The following KIF9 variants were observed in gnomAD, a reference collection of about 807,000 sequenced individuals.
KIF9 encodes the protein kinesin-like protein KIF9.
A neutral mutation model predicts 94.8 loss-of-function variants in KIF9; 68 were observed. The observed-to-expected ratio is 0.72, with a 90% CI of 0.59 to 0.88. The LOEUF (loss-of-function observed/expected upper bound fraction) is 0.88, where lower values mean the gene tolerates loss of function less well. KIF9 is among the 40% of genes least tolerant of loss of function. The probability of loss-of-function intolerance (pLI) is 0.00; values close to 1 mark genes in which losing one functional copy is unlikely to be tolerated. For missense variants in KIF9, 882 were observed against 982.5 expected (o/e 0.90, Z 1.37); for synonymous variants, 343 against 362.1 (o/e 0.95, Z 0.60).
At chr3:47,281,039 G>T in intron 1 of KIF9, 2 of 703,058 alleles carry the variant, frequency 2.8e-6, no homozygotes, top group South Asian at 3.0e-5. Flanking sequence ...TTGAAGGCAA[G>T]GATTGTGCTT....
chr3:47,277,248 C>T, intron 2 of KIF9, 34 bp downstream of exon 2: 1 of 1,496,342 alleles, frequency 6.7e-7, no homozygotes, highest in Non-Finnish European at 9.3e-7. Flanking sequence ...GACAGAGAGG[C>T]CCAGTCAGTT....
At chr3:47,229,782 G>T (rs60444519) in intron 20 of KIF9, among the ~76,000 whole-genome samples, 2 of 151,444 alleles carry the variant, frequency 1.3e-5, no homozygotes, top group Admixed American at 6.6e-5. Context: ...CACCCAGGCC[G>T]GAGTACAGTG....
chr3:47,260,649 C>T (rs554848387), intron 9 of KIF9, among the ~76,000 whole-genome samples: 5 of 152,142 alleles, frequency 3.3e-5, no homozygotes. Flanking sequence ...GTTTTATAGA[C>T]GAGGACACTG....
chr3:47,230,424 A>T (rs999069550), intron 20 of KIF9, among the ~76,000 whole-genome samples: 3 of 152,260 alleles, frequency 2.0e-5, no homozygotes, highest in Admixed American at 6.5e-5. Context: ...TTTTTAAAAA[A>T]TTGTTTTTAA....
At chr3:47,280,169 G>T (rs138209048) in intron 1 of KIF9, among the ~76,000 whole-genome samples, 1 of 152,040 alleles carries the variant, frequency 6.6e-6, no homozygotes, top group Non-Finnish European at 1.5e-5. Flanking sequence ...TGTTGCCCAG[G>T]CTGGTCTCAA....
chr3:47,241,884 A>ATTTT lies in KIF9; in HGVS notation c.1710-873_1710-870dup, dbSNP rs199875749. Among the ~76,000 whole-genome samples, 28 of 114,288 alleles carry ATTTT rather than the reference A, an allele frequency of 2.4e-4. 1 individual carries two copies. The highest frequency in any genetic ancestry group is 9.3e-4 in the African/African-American group (26 of 27,964). The allele number at this position is 114,288 out of a possible 152,430, so 75.0% of individuals were successfully genotyped here. A position where few individuals can be genotyped will look rare whatever the true frequency, so the allele number is the denominator to read the frequency against. On this transcript the variant is annotated intron_variant, in intron 16 of 20. Transcript: ENST00000684063. Reference sequence around the variant, plus strand: ...TATACACATATATATATATATATATATTTTTTTTTTTTTTTCTTTGGAGAC... The same window carrying ATTTT: ...TATACACATATATATATATATATATATTTTTTTTTTTTTTTTTTTCTTTGGAGAC...
rs754962660 is a variant in KIF9 at position 47,245,463 on chromosome 3, G to A, written c.1338C>T (p.Leu446=). ...TGGCTGCAAAGTCATTCCTGTCAAT[G>A]AGGGTGTACTTCCTGCGCAAAGTGG... ...VESTLRRKYT[L]IDRNDFAAIS... The change falls in exon 14 of 21, where the codon CTC becomes CTT. Residue 446 remains leucine (L), a synonymous_variant. Coordinates refer to ENST00000684063, the MANE Select transcript of KIF9 (RefSeq NM_182902.4). 1.2e-6 allele frequency: 2 copies of A among 1,614,074 alleles called. No homozygotes were observed. The highest frequency in any genetic ancestry group is 1.1e-5 in the South Asian group (1 of 91,070).
At chr3:47,265,643 C>T in intron 8 of KIF9, 87 bp downstream of exon 8, 1 of 1,418,632 alleles carries the variant, frequency 7.0e-7, no homozygotes, top group Non-Finnish European at 9.8e-7. Flanking sequence ...GGGAGCAATT[C>T]TATCATCACC....
At chr3:47,277,436 G>A (rs1048274036) in intron 1 of KIF9, 57 bp from the exon 2 acceptor site, 1 of 1,134,132 alleles carries the variant, frequency 8.8e-7, no homozygotes. Context: ...ACAAGTAGAG[G>A]AGAGGGGTCA....
intron 20 of KIF9, among the ~76,000 whole-genome samples, chr3:47,229,730 A>C (rs1239635009): frequency 1.3e-5 from 2 of 151,808 alleles, no homozygotes; most frequent in Non-Finnish European, 2.9e-5. Context: ...CTGCTTAATG[A>C]TTTAGAATTT....
intron 1 of KIF9, among the ~76,000 whole-genome samples, chr3:47,278,033 T>C (rs1416967680): frequency 6.6e-6 from 1 of 152,082 alleles, no homozygotes; most frequent in Non-Finnish European, 1.5e-5. Context: ...TATACATATA[T>C]ATAGTAGTAT....
intron 17 of KIF9, 74 bp downstream of exon 17, chr3:47,240,727 C>A: frequency 7.7e-7 from 1 of 1,298,910 alleles, no homozygotes; most frequent in Non-Finnish European, 1.1e-6. Context: ...CCTCTAGTGC[C>A]AAGGGCTGTT....
chr3:47,250,520 T>C (rs1700203539), intron 10 of KIF9: 1 of 441,106 alleles, frequency 2.3e-6, no homozygotes, highest in Non-Finnish European at 4.7e-6. Flanking sequence ...ACTTTTTTTT[T>C]CAGATCAGAC....
chr3:47,236,761 T>C, intron 17 of KIF9, 142 bp from the exon 18 acceptor site: 2 of 705,542 alleles, frequency 2.8e-6, no homozygotes, highest in Non-Finnish European at 4.8e-6. Context: ...GGCAAGGAGA[T>C]GGGCAAAGCA....
At chr3:47,249,103 G>T (rs1302484371) in intron 10 of KIF9, among the ~76,000 whole-genome samples, 1 of 150,088 alleles carries the variant, frequency 6.7e-6, no homozygotes, top group Admixed American at 6.6e-5. Flanking sequence ...ACCACTGCAT[G>T]AACATGTCAC....
chr3:47,247,862 A>C (rs1302431200), intron 11 of KIF9, among the ~76,000 whole-genome samples, 156 bp downstream of exon 11: 1 of 151,832 alleles, frequency 6.6e-6, no homozygotes, highest in Non-Finnish European at 1.5e-5. Flanking sequence ...GTCCTCATGG[A>C]CCCTTGCTGC....
Position 47,236,479 on chromosome 3 carries a change from G to A in KIF9, c.2065C>T (p.His689Tyr). 2 of 1,613,648 alleles carry A rather than the reference G, an allele frequency of 1.2e-6. No individual in the cohort carries two copies. The highest frequency in any genetic ancestry group is 1.7e-6 in the Non-Finnish European group (2 of 1,180,024). Reference sequence around the variant, plus strand: ...CGGTGGCGACACTGATCCACTAGGTGCTGGCAATACTGGATCTCAGCCCTG... The same window carrying A: ...CGGTGGCGACACTGATCCACTAGGTACTGGCAATACTGGATCTCAGCCCTG... ...DLRAEIQYCQ[H>Y]LVDQCRHRLL... Residue 689 changes from histidine (H) to tyrosine (Y), a missense_variant, in exon 18 of 21, where the codon CAC becomes TAC. Physicochemically the swap from His to Tyr is moderately conservative, Grantham distance 83. Transcript: ENST00000684063.
intron 9 of KIF9, among the ~76,000 whole-genome samples, chr3:47,261,714 G>A (rs1230785178): frequency 6.6e-6 from 1 of 152,194 alleles, no homozygotes; most frequent in Non-Finnish European, 1.5e-5. Flanking sequence ...TCTCTGTAAG[G>A]TGAAGGGAGA....
chr3:47,277,992 C>CTGTGTG (rs1702083278), intron 1 of KIF9, among the ~76,000 whole-genome samples: 1 of 146,420 alleles, frequency 6.8e-6, no homozygotes, highest in African/African-American at 2.8e-5. Flanking sequence ...CATTTTCTTT[C>CTGTGTG]AGTGTGTGTG....
Sources: allele counts gnomAD v4.1 joint callset (sites outside exome capture counted in the v4.1 genomes callset), GRCh38; gene constraint gnomAD v4.1.1; transcripts MANE v1.5; gene names NCBI Gene and HGNC (gene_info 2026-07-23, HGNC 2026-07-21).